Variants in SDK1 observed in about 807,000 individuals in gnomAD.
The protein encoded by SDK1 is sidekick cell adhesion molecule 1.
Under a neutral mutation model 245.5 loss-of-function variants are expected in SDK1, and 157 were observed. The ratio of observed to expected loss-of-function variants is 0.64; its 90% CI spans 0.56 to 0.73. The LOEUF is 0.73. Among genes scored for constraint, SDK1 ranks in the 30% least tolerant of loss-of-function variants. The pLI is 0.00. For synonymous variants in SDK1, 1,647 were observed against 1,278.5 expected (o/e 1.29, Z -6.15); for missense variants, 3,583 against 3,002.3 (o/e 1.19, Z -4.52).
intron 1 of SDK1, among the ~76,000 whole-genome samples, chr7:3,559,645 TGACAC>T (rs1278858658): frequency 6.6e-6 from 1 of 152,096 alleles, no homozygotes; most frequent in African/African-American, 2.4e-5. Context: ...ACAGTAGTGT[TGACAC>T]AACTCACCTG....
chr7:3,799,998 A>G (rs1024243774), intron 4 of SDK1, among the ~76,000 whole-genome samples: 1 of 152,150 alleles, frequency 6.6e-6, no homozygotes, highest in African/African-American at 2.4e-5. Flanking sequence ...GTTACTGTTT[A>G]GATTACTATG....
At chr7:3,553,735 G>T (rs964774520) in intron 1 of SDK1, among the ~76,000 whole-genome samples, 1 of 152,176 alleles carries the variant, frequency 6.6e-6, no homozygotes, top group African/African-American at 2.4e-5. Context: ...CAGCTGAGTA[G>T]CTTCTTTGTC....
intron 22 of SDK1, among the ~76,000 whole-genome samples, chr7:4,102,427 T>A (rs925232341): frequency 6.6e-6 from 1 of 152,170 alleles, no homozygotes; most frequent in Non-Finnish European, 1.5e-5. Context: ...GCTTGGCAGC[T>A]TTCCATGGAA....
chr7:3,690,161 G>A (rs1306307902), intron 4 of SDK1, among the ~76,000 whole-genome samples: 2 of 152,102 alleles, frequency 1.3e-5, no homozygotes, highest in Non-Finnish European at 2.9e-5. Context: ...GGGACTAATA[G>A]CCCAGTGACT....
chr7:3,686,434 A>T lies in SDK1; in HGVS notation c.713+44329A>T, dbSNP rs147169907. On this transcript the variant is annotated intron_variant, in intron 4 of 44. Transcript: ENST00000404826. The stretch of plus-strand genomic sequence containing the variant: ...CGTCTGTATTAACATCAGACAGAGC[A>T]TATTTGTATTAGGTGTCCAGGGCTG... Among the ~76,000 whole-genome samples the T allele has an allele frequency of 6.6e-3, 998 of 152,260 alleles. 10 individuals are homozygous for T. The highest frequency in any genetic ancestry group is 0.023 in the African/African-American group (974 of 41,548).
intron 35 of SDK1, among the ~76,000 whole-genome samples, chr7:4,202,065 T>G (rs1039586511): frequency 3.9e-5 from 6 of 152,168 alleles, no homozygotes; most frequent in African/African-American, 1.4e-4. Flanking sequence ...TCCCTGTTAT[T>G]TAAGGACCAG....
At chr7:3,490,986 G>A (rs1240076513) in intron 1 of SDK1, among the ~76,000 whole-genome samples, 9 of 152,286 alleles carry the variant, frequency 5.9e-5, no homozygotes, top group East Asian at 5.8e-4. Flanking sequence ...TACAGCTACC[G>A]TCAACAGACT....
At chr7:3,938,537 T>C (rs1780241344) in intron 5 of SDK1, among the ~76,000 whole-genome samples, 1 of 151,642 alleles carries the variant, frequency 6.6e-6, no homozygotes, top group Non-Finnish European at 1.5e-5. Flanking sequence ...TCCCAGCTAC[T>C]TGGGAGGCTG....
chr7:3,352,871 A>G (rs1371271155), intron 1 of SDK1, among the ~76,000 whole-genome samples: 1 of 152,024 alleles, frequency 6.6e-6, no homozygotes, highest in African/African-American at 2.4e-5. Flanking sequence ...TTTTCCGAAG[A>G]GTGGGAATCT....
intron 32 of SDK1, among the ~76,000 whole-genome samples, chr7:4,168,424 T>C (rs1781631675): frequency 6.6e-6 from 1 of 152,222 alleles, no homozygotes; most frequent in Admixed American, 6.5e-5. Flanking sequence ...GCTAGAAATA[T>C]CTGTGAGTCC....
chr7:4,045,648 G>A (rs1447643091), intron 17 of SDK1, among the ~76,000 whole-genome samples: 1 of 149,848 alleles, frequency 6.7e-6, no homozygotes, highest in East Asian at 2.0e-4. Flanking sequence ...TCGTAAGAAA[G>A]CACCAAACGG....
chr7:3,477,252 G>A (rs1174404670), intron 1 of SDK1, among the ~76,000 whole-genome samples: 1 of 131,528 alleles, frequency 7.6e-6, no homozygotes, highest in South Asian at 2.5e-4. Flanking sequence ...CTGGAGTGCA[G>A]CGGCGCGATC....
At chr7:3,961,789 C>G (rs1053644353) in intron 8 of SDK1, among the ~76,000 whole-genome samples, 2 of 152,162 alleles carry the variant, frequency 1.3e-5, no homozygotes, top group Non-Finnish European at 1.5e-5. Flanking sequence ...TGAGCACTCA[C>G]CAGGTGCCGG....
chr7:4,253,613 T>C (rs1033221976), intron 44 of SDK1, among the ~76,000 whole-genome samples: 1 of 152,182 alleles, frequency 6.6e-6, no homozygotes, highest in African/African-American at 2.4e-5. Context: ...TTCTGCTGTT[T>C]TGGGGTGGAG....
chr7:4,143,607 C>T (rs1322891933), intron 28 of SDK1, among the ~76,000 whole-genome samples: 2 of 152,216 alleles, frequency 1.3e-5, no homozygotes, highest in African/African-American at 2.4e-5. Flanking sequence ...AAGGTGTGTC[C>T]TTCCTTTGAA....
intron 5 of SDK1, among the ~76,000 whole-genome samples, chr7:3,916,833 A>T (rs193300014): frequency 6.6e-6 from 1 of 152,270 alleles, no homozygotes; most frequent in Non-Finnish European, 1.5e-5. Flanking sequence ...TGATAGATAG[A>T]TAGACAGACA....
At chr7:3,547,219 T>TG (rs1779251838) in intron 1 of SDK1, among the ~76,000 whole-genome samples, 1 of 152,232 alleles carries the variant, frequency 6.6e-6, no homozygotes, top group Non-Finnish European at 1.5e-5. Context: ...CTACTTTAAG[T>TG]GCTTTGATAG....
chr7:4,101,019 G>A (rs1782501700), intron 22 of SDK1, among the ~76,000 whole-genome samples: 1 of 152,228 alleles, frequency 6.6e-6, no homozygotes, highest in South Asian at 2.1e-4. Context: ...GGTGCACACA[G>A]GGGTCTCCTT....
chr7:3,988,280 C>T (rs1293015685), intron 14 of SDK1, among the ~76,000 whole-genome samples: 1 of 151,744 alleles, frequency 6.6e-6, no homozygotes, highest in Non-Finnish European at 1.5e-5. Context: ...ACCTCCACAC[C>T]CCCTGCATCA....
Sources: allele counts gnomAD v4.1 joint callset (sites outside exome capture counted in the v4.1 genomes callset), GRCh38; gene constraint gnomAD v4.1.1; transcripts MANE v1.5; gene names NCBI Gene and HGNC (gene_info 2026-07-23, HGNC 2026-07-21).